The following TENM2 variants were observed in gnomAD, a reference collection of about 807,000 sequenced individuals.
TENM2 encodes teneurin transmembrane protein 2.
A neutral mutation model predicts 245.2 loss-of-function variants in TENM2; 52 were observed. The observed-to-expected ratio is 0.21, with a 90% CI of 0.17 to 0.27. TENM2 has a LOEUF of 0.27. Ranked by LOEUF, TENM2 falls within the 10% of genes least tolerant of loss-of-function variation. The pLI is 1.00. For missense variants in TENM2, 3,046 were observed against 3,666.8 expected, an observed-to-expected ratio of 0.83 and a Z score of 4.37; for synonymous variants, 1,363 against 1,438.9, an observed-to-expected ratio of 0.95 and a Z score of 1.19.
At chr5:168,131,221 A>T (rs1754550499) in intron 12 of TENM2, among the ~76,000 whole-genome samples, 1 of 152,164 alleles carries the variant, frequency 6.6e-6, no homozygotes, top group South Asian at 2.1e-4. Flanking sequence ...CCGCAGACTA[A>T]ATCTGCCCAC....
the TENM2 span, among the ~76,000 whole-genome samples, chr5:167,168,773 T>G: frequency 6.6e-6 from 1 of 152,184 alleles, no homozygotes; most frequent in Admixed American, 6.5e-5. Context: ...CAATTTATGT[T>G]TTTTGAGACA....
the TENM2 span, among the ~76,000 whole-genome samples, chr5:167,007,313 G>C: frequency 6.6e-6 from 1 of 152,110 alleles, no homozygotes; most frequent in Non-Finnish European, 1.5e-5. This position sits in a 1 kb window ranked among gnomAD's most constrained non-coding sequence, Gnocchi z 4.2. Context: ...TGACAAGCCT[G>C]CTTACTCCAA....
chr5:168,078,255 G>A (rs183898989), intron 7 of TENM2, among the ~76,000 whole-genome samples: 15 of 152,196 alleles, frequency 9.9e-5, no homozygotes, highest in Admixed American at 8.5e-4. Context: ...CATATCCTTT[G>A]CCCACTTTTT....
intron 5 of TENM2, among the ~76,000 whole-genome samples, chr5:168,047,133 C>T (rs1046593384): frequency 6.6e-6 from 1 of 152,126 alleles, no homozygotes; most frequent in East Asian, 1.9e-4. Flanking sequence ...GGCCATTTTC[C>T]CCTCCATGGT....
intron 1 of TENM2, among the ~76,000 whole-genome samples, chr5:167,369,294 G>T (rs1760261432): frequency 6.6e-6 from 1 of 152,144 alleles, no homozygotes. Context: ...AGTGGGAAAA[G>T]TAGAAAAGGG....
the TENM2 span, among the ~76,000 whole-genome samples, chr5:167,108,064 T>C: frequency 2.6e-5 from 4 of 152,242 alleles, no homozygotes; most frequent in African/African-American, 9.6e-5. Flanking sequence ...CCTCGTTCTC[T>C]CTGCTTTCGT....
At chr5:167,946,266 G>A (rs942101892) in intron 3 of TENM2, among the ~76,000 whole-genome samples, 6 of 152,128 alleles carry the variant, frequency 3.9e-5, no homozygotes, top group Non-Finnish European at 5.9e-5. Flanking sequence ...GGTCAGAGCA[G>A]GACAGGACAA....
chr5:167,920,376 G>T (rs1484467642), intron 3 of TENM2, among the ~76,000 whole-genome samples: 1 of 151,754 alleles, frequency 6.6e-6, no homozygotes, highest in African/African-American at 2.4e-5. Flanking sequence ...AAGTTAGCTG[G>T]GCATAGTGGC....
intron 2 of TENM2, among the ~76,000 whole-genome samples, chr5:167,670,114 A>G (rs909341705): frequency 1.3e-5 from 2 of 152,202 alleles, no homozygotes; most frequent in African/African-American, 4.8e-5. Flanking sequence ...GGCACCTGCA[A>G]CAAAACCTTT....
chr5:167,289,024 C>G (rs1259343730), intron 1 of TENM2, among the ~76,000 whole-genome samples: 1 of 152,180 alleles, frequency 6.6e-6, no homozygotes, highest in African/African-American at 2.4e-5. Flanking sequence ...CACCAGCTCC[C>G]AGCCCTGCTG....
In TENM2 at chr5:167,376,848, T is replaced by C. The variant is rs147335677; in HGVS notation, c.502+1375T>C. On this transcript the variant is annotated intron_variant, in intron 2 of 28. Transcript: ENST00000518659. ...ACGTTGAATCCATTTACTGGTGTCC[T>C]TTTTCAGCTTCATTGTGTGTGTCAT... Among the ~76,000 whole-genome samples, 153 of 152,298 alleles carry C rather than the reference T, an allele frequency of 1.0e-3. No individual in the cohort carries two copies. In the Middle Eastern group the frequency reaches 0.031, roughly 30 times the overall value.
At chr5:167,237,217 C>T in the TENM2 span, among the ~76,000 whole-genome samples, 2 of 152,200 alleles carry the variant, frequency 1.3e-5, no homozygotes. Context: ...CTTCATGACC[C>T]TTATCCAAGT....
chr5:167,222,422 C>T, the TENM2 span, among the ~76,000 whole-genome samples: 7 of 152,206 alleles, frequency 4.6e-5, no homozygotes, highest in Non-Finnish European at 7.3e-5. Flanking sequence ...TTTGGTTCCA[C>T]GTAGAATTGC....
the TENM2 span, among the ~76,000 whole-genome samples, chr5:167,063,173 A>G: frequency 6.6e-6 from 1 of 152,150 alleles, no homozygotes; most frequent in Non-Finnish European, 1.5e-5. Flanking sequence ...GCATCTCAAT[A>G]TCTGTTTCTG....
At chr5:168,073,247 G>C (rs541374871) in intron 7 of TENM2, among the ~76,000 whole-genome samples, 5 of 152,296 alleles carry the variant, frequency 3.3e-5, no homozygotes, top group African/African-American at 1.2e-4. Flanking sequence ...TATTACTAGA[G>C]GGTTGGATAC....
chr5:168,024,743 A>T (rs977173076), intron 5 of TENM2, among the ~76,000 whole-genome samples: 1 of 152,186 alleles, frequency 6.6e-6, no homozygotes, highest in African/African-American at 2.4e-5. Context: ...CCCTGACAGT[A>T]AGAAAGGGCC....
the TENM2 span, among the ~76,000 whole-genome samples, chr5:167,134,130 A>G: frequency 2.6e-5 from 4 of 152,226 alleles, no homozygotes; most frequent in African/African-American, 9.6e-5. Flanking sequence ...TTTAAATAAC[A>G]TGTTTCAAAA....
chr5:167,389,084 A>C (rs2127357133), intron 2 of TENM2, among the ~76,000 whole-genome samples: 1 of 152,088 alleles, frequency 6.6e-6, no homozygotes, highest in Non-Finnish European at 1.5e-5. Context: ...TCACTTTAAT[A>C]CTAACAATTT....
chr5:167,689,046 C>A (rs1314633257), intron 2 of TENM2, among the ~76,000 whole-genome samples: 6 of 152,148 alleles, frequency 3.9e-5, no homozygotes, highest in Admixed American at 6.6e-5. Flanking sequence ...GGTCGTTGAA[C>A]TTCCGGAAAA....
Sources: allele counts gnomAD v4.1 joint callset (sites outside exome capture counted in the v4.1 genomes callset), GRCh38; gene constraint gnomAD v4.1.1; non-coding constraint Gnocchi (gnomAD v3.1); transcripts MANE v1.5; gene names NCBI Gene and HGNC (gene_info 2026-07-23, HGNC 2026-07-21).